Variants in FBXO34 observed in about 807,000 individuals in gnomAD.
The protein encoded by FBXO34 is F-box protein 34.
In FBXO34, 12 loss-of-function variants were observed where a neutral mutation model predicts 24.5. The ratio of observed to expected loss-of-function variants is 0.49; its 90% CI spans 0.31 to 0.79. The LOEUF is 0.79. FBXO34 is among the 30% of genes least tolerant of loss of function. FBXO34 has a pLI of 0.04. For synonymous variants in FBXO34, 320 were observed against 311.9 expected, an observed-to-expected ratio of 1.03 and a Z score of -0.27; for missense variants, 823 against 857.7, an observed-to-expected ratio of 0.96 and a Z score of 0.51.
intron 1 of FBXO34, among the ~76,000 whole-genome samples, chr14:55,287,926 C>T (rs1881815900): frequency 6.6e-6 from 1 of 152,186 alleles, no homozygotes; most frequent in South Asian, 2.1e-4. Context: ...ATGTCATCTT[C>T]ATTGTTGTGT....
At chr14:55,365,455 A>C (rs1884659050), downstream of FBXO34, among the ~76,000 whole-genome samples, 1 of 152,128 alleles carries the variant, frequency 6.6e-6, no homozygotes, top group African/African-American at 2.4e-5. Context: ...GGTTTTCCTC[A>C]TTGAATTTCA....
At chr14:55,419,549 T>C in the FBXO34 span, among the ~76,000 whole-genome samples, 19 of 152,324 alleles carry the variant, frequency 1.2e-4, 1 homozygote, top group East Asian at 3.7e-3. Context: ...CAGTGTAAGC[T>C]GGGCCCAGGT....
chr14:55,392,469 G>A, the FBXO34 span, among the ~76,000 whole-genome samples: 6 of 151,950 alleles, frequency 3.9e-5, no homozygotes, highest in Non-Finnish European at 5.9e-5. Flanking sequence ...GCAACATGGC[G>A]AAACCCCATC....
chr14:55,433,772 T>C, the FBXO34 span: 1 of 1,535,048 alleles, frequency 6.5e-7, no homozygotes. Context: ...GTTAACATTA[T>C]CCCAGTTGAA....
At chr14:55,291,012 AC>A (rs1319194963) in intron 1 of FBXO34, among the ~76,000 whole-genome samples, 1 of 151,302 alleles carries the variant, frequency 6.6e-6, no homozygotes, top group Non-Finnish European at 1.5e-5. Flanking sequence ...TTTAGTAGAG[AC>A]AGGGGGTTTC....
chr14:55,439,614 A>ACCCCCC, the FBXO34 span, among the ~76,000 whole-genome samples: 4 of 84,496 alleles, frequency 4.7e-5, no homozygotes, highest in African/African-American at 7.9e-5. Flanking sequence ...AGAAAAGCAA[A>ACCCCCC]CCCCCCCCCG....
At chr14:55,436,618 G>T in the FBXO34 span, 10 of 1,614,088 alleles carry the variant, frequency 6.2e-6, no homozygotes, top group Non-Finnish European at 8.5e-6. Context: ...TGTCATGGGA[G>T]TTATGGATGC....
the FBXO34 span, among the ~76,000 whole-genome samples, chr14:55,393,466 G>C: frequency 6.6e-6 from 1 of 151,810 alleles, no homozygotes; most frequent in African/African-American, 2.4e-5. Context: ...AAGAAAAACA[G>C]AAAATGTGAC....
chr14:55,363,467 A>G (rs950655344), downstream of FBXO34, among the ~76,000 whole-genome samples: 31 of 151,912 alleles, frequency 2.0e-4, no homozygotes, highest in African/African-American at 7.5e-4. Flanking sequence ...AGCTGGGATT[A>G]CAGGTGCCCA....
chr14:55,374,113 A>G (rs1267867021), downstream of FBXO34, among the ~76,000 whole-genome samples: 1 of 152,248 alleles, frequency 6.6e-6, no homozygotes, highest in African/African-American at 2.4e-5. Flanking sequence ...TCCCTCAACT[A>G]CCAGCAACGC....
chr14:55,333,961 T>G (rs1883685875), intron 1 of FBXO34, among the ~76,000 whole-genome samples: 1 of 152,216 alleles, frequency 6.6e-6, no homozygotes, highest in Non-Finnish European at 1.5e-5. Flanking sequence ...GAAAGTTGTT[T>G]TTATTCTAGT....
At chr14:55,328,780 G>C (rs1337246777) in intron 1 of FBXO34, among the ~76,000 whole-genome samples, 1 of 152,116 alleles carries the variant, frequency 6.6e-6, no homozygotes, top group African/African-American at 2.4e-5. Flanking sequence ...ACTGTTTGAG[G>C]TGCCCTGGGG....
the FBXO34 span, chr14:55,414,491 TA>T: frequency 9.0e-6 from 13 of 1,442,556 alleles, no homozygotes; most frequent in African/African-American, 1.5e-4. Flanking sequence ...ATTTTTAATA[TA>T]AAAATACCAA....
the FBXO34 span, chr14:55,436,609 G>A: frequency 1.9e-6 from 3 of 1,614,224 alleles, no homozygotes; most frequent in Non-Finnish European, 2.5e-6. Context: ...GGTCATTGGT[G>A]TCATGGGAGT....
the FBXO34 span, among the ~76,000 whole-genome samples, chr14:55,415,137 T>C: frequency 6.6e-6 from 1 of 152,214 alleles, no homozygotes; most frequent in African/African-American, 2.4e-5. Flanking sequence ...TTCCAAATTA[T>C]GCAGGCACGT....
At chr14:55,298,963 C>T in intron 1 of FBXO34, 2 of 1,594,420 alleles carry the variant, frequency 1.3e-6, no homozygotes, top group Non-Finnish European at 1.7e-6. Context: ...AAGAAGGCGG[C>T]CCACGACAAC....
chr14:55,360,311 G>C (rs940313377), intron 3 of FBXO34, among the ~76,000 whole-genome samples: 1 of 152,122 alleles, frequency 6.6e-6, no homozygotes, highest in African/African-American at 2.4e-5. Context: ...GATCTCAGGT[G>C]ATCTGCCCGC....
chr14:55,276,593 C>T (rs1203989478), intron 1 of FBXO34, among the ~76,000 whole-genome samples: 3 of 151,522 alleles, frequency 2.0e-5, no homozygotes, highest in East Asian at 2.0e-4. Context: ...TTCTCTCGGC[C>T]CCGAGGAAGG....
At chr14:55,432,962 T>C in the FBXO34 span, among the ~76,000 whole-genome samples, 6 of 152,258 alleles carry the variant, frequency 3.9e-5, no homozygotes, top group Non-Finnish European at 8.8e-5. Flanking sequence ...GTTCTATCCA[T>C]TTATCTGCAA....
Sources: allele counts gnomAD v4.1 joint callset (sites outside exome capture counted in the v4.1 genomes callset), GRCh38; gene constraint gnomAD v4.1.1; transcripts MANE v1.5; gene names NCBI Gene and HGNC (gene_info 2026-07-23, HGNC 2026-07-21).